FGF12: variants seen among roughly 807,000 people sequenced by gnomAD.
FGF12 encodes the protein fibroblast growth factor 12.
A neutral mutation model predicts 23.6 loss-of-function variants in FGF12; 14 were observed. The observed-to-expected ratio is 0.59, with a 90% CI of 0.39 to 0.93. The LOEUF (loss-of-function observed/expected upper bound fraction) is 0.93. FGF12 is among the 40% of genes least tolerant of loss of function. FGF12 has a pLI of 0.00. For missense variants in FGF12, 175 were observed against 217.8 expected (o/e 0.80, Z 1.24); for synonymous variants, 62 against 77.3 (o/e 0.80, Z 1.04).
intron 2 of FGF12, among the ~76,000 whole-genome samples, chr3:192,663,182 T>C (rs1426694590): frequency 2.6e-5 from 4 of 152,230 alleles, no homozygotes; most frequent in African/African-American, 9.6e-5. Flanking sequence ...GCGTAGTTAC[T>C]AATACAGTTT....
chr3:192,674,506 G>T (rs543547269), intron 2 of FGF12, among the ~76,000 whole-genome samples: 2 of 152,146 alleles, frequency 1.3e-5, no homozygotes, highest in Non-Finnish European at 2.9e-5. Context: ...GGACGGTTTC[G>T]AACTTCTGAG....
In FGF12 at chr3:192,664,605, CA is replaced by C. The variant is rs763256973; in HGVS notation, c.13+62575del. 1.3e-3 allele frequency among the ~76,000 whole-genome samples: 141 copies of C among 111,876 alleles called. 3 individuals are homozygous for C. The highest frequency in any genetic ancestry group is 4.1e-3 in the East Asian group (15 of 3,674). The allele number at this position is 111,876 out of a possible 152,430, so 73.4% of individuals were successfully genotyped here. A position where few individuals can be genotyped will look rare whatever the true frequency, so the allele number is the denominator to read the frequency against. Reference sequence around the variant, plus strand: ...CTCTACTAAAAATACAAAAAAAATACAAAAAAAAAAAAAAGCTGGGCATGGT... The same window carrying C: ...CTCTACTAAAAATACAAAAAAAATACAAAAAAAAAAAAAGCTGGGCATGGT... On this transcript the variant is annotated intron_variant, in intron 2 of 5. Transcript: ENST00000445105.
chr3:192,143,963 AGGGAAG>A lies in FGF12; in HGVS notation c.*40_*45del. On this transcript the variant is annotated 3_prime_UTR_variant, in exon 6 of 6. Transcript: ENST00000445105. ...GAAGGAAATGGGTAAATGGGAAGGA[AGGGAAG>A]GGGAAGGGATGAGAGAGGGAAGAAG... is the stretch of plus-strand genomic sequence containing the variant. 1 of 1,165,954 alleles carries A rather than the reference AGGGAAG, an allele frequency of 8.6e-7. No homozygotes were observed. The highest frequency in any genetic ancestry group is 1.3e-6 in the Non-Finnish European group (1 of 777,484). The allele number at this position is 1,165,954 out of a possible 1,614,324, so 72.2% of individuals were successfully genotyped here.
rs186455678 is a variant in FGF12 at position 192,465,760 on chromosome 3, G to A, written c.14-105222C>T. On this transcript the variant is annotated intron_variant, in intron 2 of 5. Coordinates refer to ENST00000445105, the MANE Select transcript of FGF12 (RefSeq NM_004113.6). The stretch of plus-strand genomic sequence containing the variant: ...TCCTTGCATGCTCTGTCTCTAATGA[G>A]CTTCCTGGGAAGAAACATTGTATAC... 1.9e-3 allele frequency among the ~76,000 whole-genome samples: 288 copies of A among 152,266 alleles called. 1 individual carries two copies. Among genetic ancestry groups the A allele is most frequent in the African/African-American group, 6.5e-3 (269 of 41,550 alleles).
At chr3:192,183,650 A>G (rs1464091292) in intron 4 of FGF12, among the ~76,000 whole-genome samples, 1 of 152,236 alleles carries the variant, frequency 6.6e-6, no homozygotes, top group Non-Finnish European at 1.5e-5. Context: ...GTTTAATTTC[A>G]TAAAAGGTAC....
At chr3:192,226,765 C>T (rs1469920586) in intron 4 of FGF12, among the ~76,000 whole-genome samples, 2 of 151,808 alleles carry the variant, frequency 1.3e-5, no homozygotes, top group East Asian at 3.9e-4. Context: ...TAGAAAAATG[C>T]CAAGAGACTG....
chr3:192,297,693 T>C (rs572837714), intron 4 of FGF12, among the ~76,000 whole-genome samples: 1 of 152,284 alleles, frequency 6.6e-6, no homozygotes, highest in South Asian at 2.1e-4. Flanking sequence ...AAACTGAGGA[T>C]TTCAAGCAAG....
chr3:192,646,150 G>A (rs1011261348), intron 2 of FGF12, among the ~76,000 whole-genome samples: 7 of 152,152 alleles, frequency 4.6e-5, no homozygotes, highest in African/African-American at 1.7e-4. Flanking sequence ...AGGATGAGAG[G>A]TAGAAAGGGG....
In FGF12 at chr3:192,479,896, C is replaced by G. The variant is rs1366699159; in HGVS notation, c.14-119358G>C. Among the ~76,000 whole-genome samples, 5 of 152,012 alleles carry G rather than the reference C, an allele frequency of 3.3e-5. No homozygotes were observed. In the East Asian group the frequency reaches 7.7e-4, roughly 24 times the overall value. ...ATAAACACTATAGAGCATATACAATCAGGAATTTTTACAGACTCGAGAACT... is the reference window on the plus strand; with the variant it reads ...ATAAACACTATAGAGCATATACAATGAGGAATTTTTACAGACTCGAGAACT... On this transcript the variant is annotated intron_variant, in intron 2 of 5. Transcript: ENST00000445105.
chr3:192,576,170 C>T (rs781416), intron 2 of FGF12, among the ~76,000 whole-genome samples: 16 of 152,044 alleles, frequency 1.1e-4, no homozygotes, highest in South Asian at 4.1e-4. Context: ...TGCTTACAAA[C>T]GAAGAAAAAT....
intron 2 of FGF12, among the ~76,000 whole-genome samples, chr3:192,513,493 A>T (rs1724557255): frequency 1.3e-5 from 2 of 152,170 alleles, no homozygotes; most frequent in African/African-American, 4.8e-5. Flanking sequence ...ATTTAGACTG[A>T]TGAGTAACCA....
intron 4 of FGF12, among the ~76,000 whole-genome samples, chr3:192,243,268 A>C (rs1045048384): frequency 6.6e-6 from 1 of 152,076 alleles, no homozygotes; most frequent in Non-Finnish European, 1.5e-5. Flanking sequence ...TAGGATGATC[A>C]TGAAAACGAA....
chr3:192,664,981 A>G lies in FGF12; in HGVS notation c.13+62200T>C, dbSNP rs1275249939. ...CAGAAAAGCGCAAAGAAGAAAAACA[A>G]ATTATCCAGAAACCTCATCTGGCGT... On this transcript the variant is annotated intron_variant, in intron 2 of 5. Transcript: ENST00000445105. 2.6e-5 allele frequency among the ~76,000 whole-genome samples: 4 copies of G among 152,344 alleles called. No individual in the cohort carries two copies. In the South Asian group the frequency reaches 6.2e-4, roughly 24 times the overall value.
intron 2 of FGF12, among the ~76,000 whole-genome samples, chr3:192,604,970 A>G (rs1323874230): frequency 6.6e-6 from 1 of 152,156 alleles, no homozygotes; most frequent in African/African-American, 2.4e-5. Flanking sequence ...TCCCTATTTA[A>G]TACATGGTGC....
chr3:192,600,318 G>A (rs759003048), intron 2 of FGF12, among the ~76,000 whole-genome samples: 10 of 151,984 alleles, frequency 6.6e-5, no homozygotes, highest in Non-Finnish European at 1.2e-4. Context: ...TTGAAGTCTG[G>A]TAGTGTGATG....
At chr3:192,694,546 T>C (rs901227699) in intron 2 of FGF12, among the ~76,000 whole-genome samples, 5 of 151,976 alleles carry the variant, frequency 3.3e-5, no homozygotes, top group African/African-American at 1.2e-4. Flanking sequence ...TATACATATA[T>C]GTGTGTGTAC....
intron 5 of FGF12, among the ~76,000 whole-genome samples, chr3:192,158,454 T>C (rs1324019175): frequency 1.3e-5 from 2 of 149,880 alleles, no homozygotes; most frequent in Non-Finnish European, 3.0e-5. Context: ...TTCTTCTTTT[T>C]TCTTGCTTTC....
At position 192,291,226 on chromosome 3, in the gene FGF12, T is replaced by C. The variant is rs141180524; in HGVS notation, c.228+44135A>G. 4.6e-5 allele frequency among the ~76,000 whole-genome samples: 7 copies of C among 152,334 alleles called. No individual in the cohort carries two copies. In the East Asian group the frequency reaches 1.3e-3, roughly 29 times the overall value. Reference sequence around the variant, plus strand: ...ATATATTTTTATAAAACACTTTTCATTTATTAATTATTCTATGGACATAAC... The same window carrying C: ...ATATATTTTTATAAAACACTTTTCACTTATTAATTATTCTATGGACATAAC... On this transcript the variant is annotated intron_variant, in intron 4 of 5. Coordinates refer to ENST00000445105, the MANE Select transcript of FGF12 (RefSeq NM_004113.6).
intron 2 of FGF12, among the ~76,000 whole-genome samples, chr3:192,589,731 G>A (rs1343007842): frequency 6.6e-6 from 1 of 151,794 alleles, no homozygotes; most frequent in Non-Finnish European, 1.5e-5. Context: ...GACACTAATC[G>A]AAGTAAGGTC....
Sources: gnomAD v4.1 joint callset for allele counts (sites outside exome capture counted in the v4.1 genomes callset) on GRCh38, gnomAD v4.1.1 for gene constraint, MANE v1.5 for transcripts, NCBI Gene and HGNC (gene_info 2026-07-23, HGNC 2026-07-21) for gene names.